Variants in DNTT observed in about 807,000 individuals in gnomAD.
DNTT encodes the protein DNA nucleotidylexotransferase.
Under a neutral mutation model 60.9 loss-of-function variants are expected in DNTT, and 47 were observed. The ratio of observed to expected loss-of-function variants is 0.77; its 90% CI spans 0.61 to 0.98. The LOEUF is 0.98. Ranked by LOEUF, DNTT falls within the 50% of genes least tolerant of loss-of-function variation. DNTT has a pLI of 0.00. For missense variants in DNTT, 665 were observed against 627.5 expected (o/e 1.06, Z -0.64); for synonymous variants, 224 against 221.2 (o/e 1.01, Z -0.11).
rs560406363 is a variant in DNTT at position 96,318,604 on chromosome 10, G to A, written c.378+78G>A. On this transcript the variant is annotated intron_variant, in intron 2 of 10. Transcript: ENST00000371174. Reference sequence around the variant, plus strand: ...TAGGCTTAGGATCAACGGAGCTGGGGTAAACCCTAAATTCTCTGCTTACTA... The same window carrying A: ...TAGGCTTAGGATCAACGGAGCTGGGATAAACCCTAAATTCTCTGCTTACTA... 6 of 1,520,476 alleles carry A rather than the reference G, an allele frequency of 3.9e-6. No homozygotes were observed. In the African/African-American group the frequency reaches 8.3e-5, roughly 21 times the overall value. The allele number at this position is 1,520,476 out of a possible 1,614,324, so 94.2% of individuals were successfully genotyped here. A position where few individuals can be genotyped will look rare whatever the true frequency, so the allele number is the denominator to read the frequency against.
chr10:96,323,084 A>C (rs1284970247), intron 5 of DNTT, among the ~76,000 whole-genome samples: 2 of 152,216 alleles, frequency 1.3e-5, no homozygotes. Context: ...AGGCGGGTGC[A>C]CTTGAAGCCA....
chr10:96,310,554 G>A (rs1426139043), intron 1 of DNTT, among the ~76,000 whole-genome samples: 1 of 152,112 alleles, frequency 6.6e-6, no homozygotes, highest in African/African-American at 2.4e-5. Flanking sequence ...CCAGACCTTA[G>A]ACTCCTGAAA....
intron 8 of DNTT, among the ~76,000 whole-genome samples, chr10:96,331,148 C>T (rs1845001839): frequency 6.6e-6 from 1 of 152,096 alleles, no homozygotes; most frequent in South Asian, 2.1e-4. Context: ...CCCACTTTCT[C>T]CAAGGCAGGT....
intron 1 of DNTT, among the ~76,000 whole-genome samples, chr10:96,307,169 T>A (rs550217498): frequency 6.9e-4 from 105 of 152,282 alleles, no homozygotes; most frequent in African/African-American, 2.4e-3. Context: ...CCATTGACCT[T>A]TACAGCAAAA....
chr10:96,329,515 G>A (rs1012031839), intron 8 of DNTT, among the ~76,000 whole-genome samples: 8 of 152,206 alleles, frequency 5.3e-5, no homozygotes, highest in African/African-American at 1.9e-4. Flanking sequence ...GATAGGTCTG[G>A]CTGGGCTGGT....
chr10:96,319,291 C>A lies in DNTT; in HGVS notation c.408C>A (p.Asn136Lys), dbSNP rs1260179929. 6.2e-7 allele frequency: 1 copy of A among 1,613,650 alleles called. No homozygotes were observed. Among genetic ancestry groups the A allele is most frequent in the Non-Finnish European group, 8.5e-7 (1 of 1,179,788 alleles). ...VVRRDYSDST[N>K]PGPPKTPPIA... The stretch of plus-strand genomic sequence containing the variant: ...GAAGAGACTATTCAGATAGCACCAA[C>A]CCAGGCCCCCCGAAGACTCCACCAA... Residue 136 changes from asparagine (N) to lysine (K), a missense_variant, in exon 3 of 11, where the codon AAC (asparagine) becomes AAA (lysine). Asn to Lys is a moderately conservative substitution (Grantham distance 94). Coordinates refer to ENST00000371174, the MANE Select transcript of DNTT (RefSeq NM_004088.4).
At chr10:96,324,036 T>G (rs1844910302) in intron 5 of DNTT, among the ~76,000 whole-genome samples, 1 of 152,172 alleles carries the variant, frequency 6.6e-6, no homozygotes, top group African/African-American at 2.4e-5. Flanking sequence ...CAGAACCTGC[T>G]TGTTACTTCT....
At position 96,335,926 on chromosome 10, in the gene DNTT, T is replaced by C. The variant is rs1198515535; in HGVS notation, c.1395T>C (p.His465=). ...GAGACCTCCGGCGCTATGCCACACATGAGCGGAAGATGATTCTGGATAACC... is the reference window on the plus strand; with the variant it reads ...GAGACCTCCGGCGCTATGCCACACACGAGCGGAAGATGATTCTGGATAACC... The part of the protein sequence containing the change: ...FERDLRRYAT[H]ERKMILDNHA... Residue 465 remains histidine, a synonymous_variant, in exon 10 of 11, where the codon CAT becomes CAC. Coordinates refer to ENST00000371174, the MANE Select transcript of DNTT (RefSeq NM_004088.4). 1 of 1,614,202 alleles carries C rather than the reference T, an allele frequency of 6.2e-7. No homozygotes were observed. The highest frequency in any genetic ancestry group is 1.1e-5 in the South Asian group (1 of 91,084).
chr10:96,325,531 A>G (rs907887499), intron 6 of DNTT, among the ~76,000 whole-genome samples: 4 of 152,380 alleles, frequency 2.6e-5, no homozygotes, highest in Non-Finnish European at 5.9e-5. Context: ...AATGACGTCC[A>G]GTGCTCTCAG....
intron 8 of DNTT, among the ~76,000 whole-genome samples, chr10:96,332,011 G>A (rs761327108): frequency 9.2e-5 from 14 of 152,130 alleles, no homozygotes; most frequent in South Asian, 4.1e-4. Flanking sequence ...TTCCTGCAGC[G>A]TGGCTTTTTG....
intron 1 of DNTT, among the ~76,000 whole-genome samples, chr10:96,311,706 C>T (rs1443700842): frequency 6.6e-6 from 1 of 152,192 alleles, no homozygotes; most frequent in Non-Finnish European, 1.5e-5. Flanking sequence ...TGCAGTGGCA[C>T]GATCTCAGCT....
intron 9 of DNTT, among the ~76,000 whole-genome samples, chr10:96,333,073 A>T (rs1333511880): frequency 6.6e-6 from 1 of 152,242 alleles, no homozygotes; most frequent in Non-Finnish European, 1.5e-5. Context: ...CATACATCAC[A>T]TAAGGGCCAT....
chr10:96,332,254 C>A, intron 8 of DNTT, 97 bp from the exon 9 acceptor site: 2 of 1,527,192 alleles, frequency 1.3e-6, no homozygotes, highest in Non-Finnish European at 1.8e-6. Context: ...TGTCCATGTT[C>A]TGCTCGAATC....
chr10:96,322,603 A>G, intron 4 of DNTT, 54 bp from the exon 5 acceptor site: 3 of 1,447,400 alleles, frequency 2.1e-6, no homozygotes, highest in Non-Finnish European at 2.9e-6. Flanking sequence ...TGAGAGTCTT[A>G]GACAGTAATT....
chr10:96,306,643 G>T (rs1844642094), intron 1 of DNTT: 1 of 152,254 alleles, frequency 6.6e-6, no homozygotes. Context: ...TCTTCTGTTG[G>T]CAGGACAGCT....
At chr10:96,326,813 T>C (rs1844942961) in intron 6 of DNTT, among the ~76,000 whole-genome samples, 1 of 152,146 alleles carries the variant, frequency 6.6e-6, no homozygotes, top group Non-Finnish European at 1.5e-5. Flanking sequence ...ATGGATCTAA[T>C]CACCAGGCTC....
intron 1 of DNTT, among the ~76,000 whole-genome samples, chr10:96,314,474 A>G (rs1440190581): frequency 1.6e-5 from 2 of 125,888 alleles, no homozygotes; most frequent in African/African-American, 3.0e-5. Context: ...GTGTAGTGGC[A>G]CAATCTCAAC....
At chr10:96,328,645 G>T (rs1844967587) in intron 7 of DNTT, 80 bp from the exon 8 acceptor site, 54 of 1,387,570 alleles carry the variant, frequency 3.9e-5, no homozygotes, top group Non-Finnish European at 5.2e-5. Flanking sequence ...TAAGCATAGG[G>T]CATAGAAACA....
chr10:96,310,151 C>T (rs1275214661), intron 1 of DNTT, among the ~76,000 whole-genome samples: 1 of 152,216 alleles, frequency 6.6e-6, no homozygotes, highest in African/African-American at 2.4e-5. Flanking sequence ...CAGGGGCACA[C>T]CCTTCCCCTA....
Sources: gnomAD v4.1 joint callset for allele counts (sites outside exome capture counted in the v4.1 genomes callset) on GRCh38, gnomAD v4.1.1 for gene constraint, MANE v1.5 for transcripts, NCBI Gene and HGNC (gene_info 2026-07-23, HGNC 2026-07-21) for gene names.